Variants in TBC1D2B observed in about 807,000 individuals in gnomAD.
TBC1D2B encodes the protein TBC1 domain family member 2B.
A neutral mutation model predicts 100.8 loss-of-function variants in TBC1D2B; 64 were observed. The observed-to-expected ratio is 0.64, with a 90% CI of 0.52 to 0.78. The LOEUF (loss-of-function observed/expected upper bound fraction) is 0.78. Ranked by LOEUF, TBC1D2B falls within the 30% of genes least tolerant of loss-of-function variation. The probability of loss-of-function intolerance (pLI) is 0.00; values close to 1 mark genes in which losing one functional copy is unlikely to be tolerated. For missense variants in TBC1D2B, 1,052 were observed against 1,218.4 expected (o/e 0.86, Z 2.03); for synonymous variants, 480 against 479.7 (o/e 1.00, Z -0.01).
intron 1 of TBC1D2B, among the ~76,000 whole-genome samples, chr15:78,075,784 A>G (rs2073818892): frequency 6.6e-6 from 1 of 151,948 alleles, no homozygotes. Context: ...CCAAGAGAAC[A>G]TGGGAATCAG....
chr15:78,045,593 C>T (rs564927921), intron 2 of TBC1D2B, among the ~76,000 whole-genome samples: 6 of 152,194 alleles, frequency 3.9e-5, no homozygotes, highest in Admixed American at 1.3e-4. Context: ...TCAGTAAATT[C>T]ACAAGCAAAC....
At chr15:78,050,316 T>C (rs540256614) in intron 2 of TBC1D2B, among the ~76,000 whole-genome samples, 4 of 152,330 alleles carry the variant, frequency 2.6e-5, no homozygotes, top group African/African-American at 9.6e-5. Flanking sequence ...CACAATACAA[T>C]TTTCTGCAAG....
intron 5 of TBC1D2B, 94 bp from the exon 6 acceptor site, chr15:78,024,633 G>T: frequency 8.3e-7 from 1 of 1,207,918 alleles, no homozygotes; most frequent in Non-Finnish European, 1.1e-6. Flanking sequence ...AATCGACAGA[G>T]TTTGAGGAAA....
At chr15:78,077,188 G>C in intron 1 of TBC1D2B, 105 bp downstream of exon 1, 2 of 1,357,980 alleles carry the variant, frequency 1.5e-6, no homozygotes, top group South Asian at 3.3e-5. Context: ...ACGTGGGCAG[G>C]GGCGAGGAGG....
chr15:78,008,696 C>A (rs2072138106), intron 10 of TBC1D2B, among the ~76,000 whole-genome samples: 1 of 152,224 alleles, frequency 6.6e-6, no homozygotes, highest in African/African-American at 2.4e-5. Flanking sequence ...TATGACTCAG[C>A]CCACTGGTAG....
chr15:78,075,737 G>A (rs1407772221), intron 1 of TBC1D2B, among the ~76,000 whole-genome samples: 1 of 152,288 alleles, frequency 6.6e-6, no homozygotes, highest in East Asian at 1.9e-4. Flanking sequence ...TGGGGAAACA[G>A]GCTGTCTGCA....
At chr15:78,002,943 C>T in intron 11 of TBC1D2B, 1 of 187,478 alleles carries the variant, frequency 5.3e-6, no homozygotes. Context: ...CAAGTTAGTC[C>T]CCCTCATTAG....
intron 9 of TBC1D2B, among the ~76,000 whole-genome samples, chr15:78,011,644 GGTTTTTTT>G (rs1398295727): frequency 1.6e-5 from 2 of 127,536 alleles, no homozygotes; most frequent in African/African-American, 6.0e-5. Context: ...CTAATTTTTT[GGTTTTTTT>G]TTTTTTTTTT....
intron 1 of TBC1D2B, among the ~76,000 whole-genome samples, chr15:78,054,652 A>T (rs2073383519): frequency 1.3e-5 from 2 of 152,254 alleles, no homozygotes; most frequent in Admixed American, 1.3e-4. Context: ...TGGCACTCCT[A>T]TTAAAATGGC....
In TBC1D2B at chr15:78,025,213, T is replaced by C. The variant is rs375621560; in HGVS notation, c.1086+46A>G. The C allele has an allele frequency of 1.1e-4, 171 of 1,551,290 alleles. 1 individual carries two copies. The African/African-American group carries it at 2.2e-3, about 20-fold the overall frequency. Reference sequence around the variant, plus strand: ...AATTGGGCTTTACTCCTCCCGTCCTTGGCCTGCTGAGGTGGGGTAAGACAG... The same window carrying C: ...AATTGGGCTTTACTCCTCCCGTCCTCGGCCTGCTGAGGTGGGGTAAGACAG... On this transcript the variant is annotated intron_variant, in intron 5 of 12. Coordinates refer to ENST00000300584, the MANE Select transcript of TBC1D2B (RefSeq NM_144572.2).
At position 78,077,580 on chromosome 15, in the gene TBC1D2B, C is replaced by G. The variant is rs2073852041; in HGVS notation, c.73G>C (p.Glu25Gln). Residue 25 changes from glutamate (E) to glutamine (Q), a missense_variant, in exon 1 of 13, where the codon GAG (glutamate) becomes CAG (glutamine). Physicochemically the swap from Glu to Gln is conservative, Grantham distance 29. This residue lies in a region of TBC1D2B where 627 missense variants were observed against 646.1 expected (regional missense o/e 0.97). Coordinates refer to ENST00000300584, the MANE Select transcript of TBC1D2B (RefSeq NM_144572.2). ...GEGAAQGAAA[E>Q]PGAGPAREPA... is the part of the protein sequence containing the mutation. ...TCCCGCGCCGGACCCGCCCCGGGCT[C>G]CGCGGCCGCCCCCTGCGCCGCGCCC... 1 of 1,341,638 alleles carries G rather than the reference C, an allele frequency of 7.5e-7. No individual in the cohort carries two copies. The highest frequency in any genetic ancestry group is 9.6e-7 in the Non-Finnish European group (1 of 1,040,608). The allele number at this position is 1,341,638 out of a possible 1,614,324, so 83.1% of individuals were successfully genotyped here. A position where few individuals can be genotyped will look rare whatever the true frequency, so the allele number is the denominator to read the frequency against.
At chr15:78,009,810 T>C (rs1429445864) in intron 9 of TBC1D2B, among the ~76,000 whole-genome samples, 1 of 151,786 alleles carries the variant, frequency 6.6e-6, no homozygotes, top group African/African-American at 2.4e-5. Flanking sequence ...CTGTCTCTAC[T>C]AAAGATACAA....
intron 3 of TBC1D2B, among the ~76,000 whole-genome samples, chr15:78,042,025 G>C (rs1404234860): frequency 6.6e-6 from 1 of 152,218 alleles, no homozygotes; most frequent in South Asian, 2.1e-4. Context: ...GCATAGCTGG[G>C]AGTTGAACTC....
chr15:78,042,810 G>A (rs1468372903), intron 3 of TBC1D2B, among the ~76,000 whole-genome samples: 2 of 152,218 alleles, frequency 1.3e-5, no homozygotes, highest in Non-Finnish European at 2.9e-5. Flanking sequence ...GTATCGTTGA[G>A]AACCTCAAAT....
At chr15:78,003,603 C>G in intron 10 of TBC1D2B, 113 bp from the exon 11 acceptor site, 1 of 735,726 alleles carries the variant, frequency 1.4e-6, no homozygotes, top group Non-Finnish European at 2.3e-6. Flanking sequence ...GACAGCAGCA[C>G]AACTGTTCCA....
At chr15:78,004,026 T>C (rs368745866) in intron 10 of TBC1D2B, among the ~76,000 whole-genome samples, 4 of 152,308 alleles carry the variant, frequency 2.6e-5, no homozygotes, top group African/African-American at 9.6e-5. Flanking sequence ...TACCACTTAC[T>C]AGCTGGGTGG....
chr15:78,033,335 A>C (rs2141727110), intron 3 of TBC1D2B, among the ~76,000 whole-genome samples: 1 of 152,362 alleles, frequency 6.6e-6, no homozygotes, highest in Non-Finnish European at 1.5e-5. Context: ...CAATAAAAGG[A>C]ATAAAATACG....
chr15:78,003,141 T>C, intron 11 of TBC1D2B, 164 bp downstream of exon 11: 1 of 595,522 alleles, frequency 1.7e-6, no homozygotes, highest in Non-Finnish European at 3.0e-6. Context: ...GACTGTGGTT[T>C]CCTGATACCC....
In TBC1D2B at chr15:77,996,666, G is replaced by C. The variant is rs1424244443; in HGVS notation, c.*1494C>G. On this transcript the variant is annotated 3_prime_UTR_variant, in exon 13 of 13. Coordinates refer to ENST00000300584, the MANE Select transcript of TBC1D2B (RefSeq NM_144572.2). ...GCCGGAGCTCACTCTAGCATGTGCT[G>C]AAACACCAACTTTGCCGTGGCATTG... is the stretch of plus-strand genomic sequence containing the variant. 1.3e-5 allele frequency: 2 copies of C among 152,256 alleles called. No individual in the cohort carries two copies. Among genetic ancestry groups the C allele is most frequent in the African/African-American group, 4.8e-5 (2 of 41,462 alleles). 9.4% of individuals were successfully genotyped at this position (152,256 alleles called of 1,614,324 possible).
Sources: allele counts gnomAD v4.1 joint callset (sites outside exome capture counted in the v4.1 genomes callset), GRCh38; gene constraint gnomAD v4.1.1; regional missense constraint gnomAD v4.1.1; transcripts MANE v1.5; gene names NCBI Gene and HGNC (gene_info 2026-07-23, HGNC 2026-07-21).